Variants in SYCE3 observed in about 807,000 individuals in gnomAD.
SYCE3 encodes testis highly expressed gene 2 protein.
Under a neutral mutation model 8.1 loss-of-function variants are expected in SYCE3, and 3 were observed. The observed-to-expected ratio is 0.37, with a 90% confidence interval of 0.17 to 0.96. SYCE3 has a LOEUF of 0.96. Ranked by LOEUF, SYCE3 falls within the 40% of genes least tolerant of loss-of-function variation. The pLI, the probability that SYCE3 is intolerant of heterozygous loss-of-function variation, is 0.41. For synonymous variants in SYCE3, 36 were observed against 38.7 expected (o/e 0.93, Z 0.26); for missense variants, 83 against 110.0 (o/e 0.75, Z 1.10).
intron 1 of SYCE3, among the ~76,000 whole-genome samples, chr22:50,562,464 A>C (rs1160479321): frequency 1.6e-3 from 1 of 620 alleles, no homozygotes; most frequent in Non-Finnish European, 3.0e-3. Flanking sequence ...CGGGGTGAGG[A>C]GGGGTGAGGG....
chr22:50,554,009 C>T (rs753646541), intron 2 of SYCE3, among the ~76,000 whole-genome samples: 7 of 151,722 alleles, frequency 4.6e-5, no homozygotes, highest in South Asian at 2.1e-4. Context: ...CTGGCTAACA[C>T]GGGGAAACTC....
In SYCE3 at chr22:50,555,417, T is replaced by A. The variant is rs190698727; in HGVS notation, c.109+880A>T. Among the ~76,000 whole-genome samples the A allele has an allele frequency of 1.8e-4, 27 of 152,326 alleles. No homozygotes were observed. The East Asian group carries it at 4.1e-3, about 23-fold the overall frequency. The stretch of plus-strand genomic sequence containing the variant: ...ACACTTTGGGAGGCCAAGGTGGGTG[T>A]ATTGCTTGGCCAAAGTTGGTTCAAG... On this transcript the variant is annotated intron_variant, in intron 2 of 2. Coordinates refer to ENST00000406915, the MANE Select transcript of SYCE3 (RefSeq NM_001123225.3).
Position 50,562,862 on chromosome 22 carries a change from A to C in SYCE3, c.-5T>G, listed in dbSNP as rs2069944733. ...GGGGGGCGCGGCCTCGCTCACCTCC[A>C]GCTTGGCCCGCGCTCCGGTCCTGCT... On this transcript the variant is annotated 5_prime_UTR_variant, in exon 1 of 3. Coordinates refer to ENST00000406915, the MANE Select transcript of SYCE3 (RefSeq NM_001123225.3). 6.6e-6 allele frequency: 1 copy of C among 152,150 alleles called. No individual in the cohort carries two copies. Among genetic ancestry groups the C allele is most frequent in the Non-Finnish European group, 1.5e-5 (1 of 68,082 alleles). The allele number at this position is 152,150 out of a possible 1,614,324, so 9.4% of individuals were successfully genotyped here.
intron 2 of SYCE3, among the ~76,000 whole-genome samples, chr22:50,553,871 G>A (rs1450913692): frequency 6.6e-6 from 1 of 152,058 alleles, no homozygotes; most frequent in Admixed American, 6.5e-5. Context: ...GTGAGCCACC[G>A]TGCCCAGCCT....
chr22:50,556,658 G>A (rs1314654481), intron 1 of SYCE3, among the ~76,000 whole-genome samples: 1 of 152,208 alleles, frequency 6.6e-6, no homozygotes, highest in African/African-American at 2.4e-5. Flanking sequence ...GCTGAAGGCT[G>A]GAGTCATTAA....
At chr22:50,554,619 G>A (rs540781567) in intron 2 of SYCE3, among the ~76,000 whole-genome samples, 3 of 148,356 alleles carry the variant, frequency 2.0e-5, no homozygotes, top group South Asian at 2.2e-4. Context: ...ACTTGAACCC[G>A]AGAGGCGGAG....
At chr22:50,557,426 G>A (rs2069871576) in intron 1 of SYCE3, among the ~76,000 whole-genome samples, 1 of 152,106 alleles carries the variant, frequency 6.6e-6, no homozygotes, top group Non-Finnish European at 1.5e-5. Flanking sequence ...AAAGTGCTGA[G>A]ATTACAGATG....
At chr22:50,557,299 G>T (rs1291809542) in intron 1 of SYCE3, among the ~76,000 whole-genome samples, 1 of 151,954 alleles carries the variant, frequency 6.6e-6, no homozygotes, top group African/African-American at 2.4e-5. Context: ...TGGGATTACA[G>T]GCAAGTGCCA....
chr22:50,556,492 A>T, intron 1 of SYCE3, 87 bp from the exon 2 acceptor site: 2 of 941,370 alleles, frequency 2.1e-6, no homozygotes, highest in South Asian at 3.0e-5. Flanking sequence ...GATTTCTCTA[A>T]GGAATTCTTT....
intron 2 of SYCE3, among the ~76,000 whole-genome samples, chr22:50,555,863 G>A (rs964532404): frequency 6.7e-6 from 1 of 148,834 alleles, no homozygotes; most frequent in Non-Finnish European, 1.5e-5. Flanking sequence ...GCACCATCTC[G>A]GCTCACTGCA....
intron 2 of SYCE3, among the ~76,000 whole-genome samples, chr22:50,554,327 GAA>G (rs1200682332): frequency 1.3e-5 from 2 of 152,098 alleles, no homozygotes; most frequent in Non-Finnish European, 2.9e-5. Context: ...TCAGATTGAG[GAA>G]AGACTTTCTA....
intron 1 of SYCE3, among the ~76,000 whole-genome samples, chr22:50,557,765 CT>C (rs1260149882): frequency 6.6e-6 from 1 of 152,024 alleles, no homozygotes; most frequent in Non-Finnish European, 1.5e-5. Context: ...AACTTGTAAC[CT>C]CATGAAGGTG....
At chr22:50,554,689 G>A (rs1380737002) in intron 2 of SYCE3, among the ~76,000 whole-genome samples, 9 of 87,814 alleles carry the variant, frequency 1.0e-4, no homozygotes, top group Admixed American at 6.6e-4. Flanking sequence ...GCAAGACTCC[G>A]TCTCAAAAAA....
At chr22:50,557,160 T>G (rs1248336500) in intron 1 of SYCE3, among the ~76,000 whole-genome samples, 7 of 129,660 alleles carry the variant, frequency 5.4e-5, no homozygotes, top group Non-Finnish European at 7.8e-5. Flanking sequence ...TTTTTGAGTT[T>G]TTTTTTTTTT....
chr22:50,554,462 G>A (rs1240889535), intron 2 of SYCE3, among the ~76,000 whole-genome samples: 1 of 152,158 alleles, frequency 6.6e-6, no homozygotes, highest in Non-Finnish European at 1.5e-5. Context: ...AGGAGGCCAA[G>A]GCAGGTGGAT....
intron 2 of SYCE3, among the ~76,000 whole-genome samples, chr22:50,555,255 T>C (rs1290650727): frequency 6.6e-6 from 1 of 152,138 alleles, no homozygotes; most frequent in African/African-American, 2.4e-5. Context: ...AATTAACTGA[T>C]ACGTGTCTCA....
At chr22:50,562,698 G>T (rs115812126) in intron 1 of SYCE3, among the ~76,000 whole-genome samples, 160 bp downstream of exon 1, 11,775 of 142,954 alleles carry the variant, frequency 0.082, 784 homozygotes, top group South Asian at 0.19. Context: ...GAGGGGCATG[G>T]GGTGTGGAGT....
Position 50,556,311 on chromosome 22 carries a change from A to G in SYCE3, c.95T>C (p.Met32Thr). The change falls in exon 2 of 3, where the codon ATG becomes ACG. Residue 32 changes from methionine to threonine, a missense_variant. Met to Thr is a moderately conservative substitution (Grantham distance 81). Transcript: ENST00000406915. ...NKDLEKLLEEMEKISVQATWM... is the reference protein window; with the variant it reads ...NKDLEKLLEETEKISVQATWM... Reference sequence around the variant, plus strand: ...ACACATCCTACCTGAGATTTTCTCCATCTCTTCTAATAGCTTTTCCAAGTC... The same window carrying G: ...ACACATCCTACCTGAGATTTTCTCCGTCTCTTCTAATAGCTTTTCCAAGTC... The G allele has an allele frequency of 6.4e-7, 1 of 1,551,184 alleles. No homozygotes were observed. Among genetic ancestry groups the G allele is most frequent in the Non-Finnish European group, 8.7e-7 (1 of 1,146,480 alleles).
chr22:50,554,086 T>G (rs1171398484), intron 2 of SYCE3, among the ~76,000 whole-genome samples: 1 of 151,152 alleles, frequency 6.6e-6, no homozygotes, highest in African/African-American at 2.4e-5. Flanking sequence ...TCCCAGCTAC[T>G]CGGGAGGCTG....
Sources: gnomAD v4.1 joint callset for allele counts (sites outside exome capture counted in the v4.1 genomes callset) on GRCh38, gnomAD v4.1.1 for gene constraint, MANE v1.5 for transcripts, NCBI Gene and HGNC (gene_info 2026-07-23, HGNC 2026-07-21) for gene names.